Variants in LY6S observed in about 807,000 individuals in gnomAD.
LY6S encodes the protein lymphocyte antigen 6 family member S.
At chr8:143,071,617 C>A in the LY6S span, among the ~76,000 whole-genome samples, 1 of 152,098 alleles carries the variant, frequency 6.6e-6, no homozygotes, top group African/African-American at 2.4e-5. Flanking sequence ...CAAAACTGCT[C>A]AAAGAAATAG....
chr8:143,056,998 T>C, the LY6S span: 1 of 234,566 alleles, frequency 4.3e-6, no homozygotes, highest in Admixed American at 4.1e-5. Flanking sequence ...GGAAAAGTGC[T>C]TCTAAATGCA....
the LY6S span, chr8:143,065,770 TC>T: frequency 5.2e-4 from 38 of 73,458 alleles, no homozygotes; most frequent in African/African-American, 2.7e-3. Flanking sequence ...TTCTTTCTTT[TC>T]TCTTTCTTTC....
chr8:143,070,487 A>ATTTTTTTTTTTTTT, the LY6S span, among the ~76,000 whole-genome samples: 1 of 84,112 alleles, frequency 1.2e-5, no homozygotes, highest in Non-Finnish European at 2.0e-5. Flanking sequence ...ATATATATAT[A>ATTTTTTTTTTTTTT]TATTTTTTTT....
chr8:143,061,264 A>G, the LY6S span, among the ~76,000 whole-genome samples: 1 of 151,786 alleles, frequency 6.6e-6, no homozygotes, highest in African/African-American at 2.4e-5. Context: ...TGTCTCTTAA[A>G]AAAAAAAAAA....
At chr8:143,054,364 G>A in the LY6S span, 1 of 150,958 alleles carries the variant, frequency 6.6e-6, no homozygotes, top group Non-Finnish European at 1.5e-5. Flanking sequence ...CCTAAGAGGG[G>A]AACCCTATTT....
the LY6S span, among the ~76,000 whole-genome samples, chr8:143,048,364 T>C: frequency 3.3e-5 from 5 of 152,200 alleles, no homozygotes; most frequent in African/African-American, 4.8e-5. Context: ...CTTTCTGGCC[T>C]CGTTTCAGAC....
chr8:143,050,284 G>A, the LY6S span, among the ~76,000 whole-genome samples: 2 of 150,596 alleles, frequency 1.3e-5, no homozygotes, highest in African/African-American at 2.4e-5. Flanking sequence ...GGGTTAAAGC[G>A]ATTCTCCTGC....
At chr8:143,071,502 A>C in the LY6S span, among the ~76,000 whole-genome samples, 1 of 152,216 alleles carries the variant, frequency 6.6e-6, no homozygotes, top group Non-Finnish European at 1.5e-5. Flanking sequence ...ATATCGGTTT[A>C]TCCATTGTAC....
At chr8:143,074,911 G>C in the LY6S span, among the ~76,000 whole-genome samples, 1 of 152,206 alleles carries the variant, frequency 6.6e-6, no homozygotes, top group Non-Finnish European at 1.5e-5. Flanking sequence ...CCCAAGACTG[G>C]CAGTTCCTTC....
the LY6S span, among the ~76,000 whole-genome samples, chr8:143,070,457 T>G: frequency 8.8e-5 from 4 of 45,378 alleles, no homozygotes; most frequent in Non-Finnish European, 1.7e-4. Context: ...TATATATATA[T>G]ATATATAATA....
the LY6S span, among the ~76,000 whole-genome samples, chr8:143,062,427 G>A: frequency 1.3e-5 from 2 of 152,214 alleles, no homozygotes; most frequent in African/African-American, 2.4e-5. Context: ...CAGCACTCTG[G>A]GAGGCCAAGG....
chr8:143,065,820 T>TTTCTTTCTTTCTTTCTTTCTTTCC, the LY6S span: 48 of 143,092 alleles, frequency 3.4e-4, no homozygotes, highest in Non-Finnish European at 5.2e-4. Context: ...TCTTTCTTTC[T>TTTCTTTCTTTCTTTCTTTCTTTCC]TTCCTTCCTT....
chr8:143,044,450 C>G, the LY6S span, among the ~76,000 whole-genome samples: 1 of 152,024 alleles, frequency 6.6e-6, no homozygotes, highest in East Asian at 1.9e-4. Context: ...AGACCCACAA[C>G]CCTTAGGCTC....
chr8:143,072,311 C>T, the LY6S span, among the ~76,000 whole-genome samples: 4 of 140,786 alleles, frequency 2.8e-5, no homozygotes, highest in African/African-American at 8.2e-5. Context: ...CCGTCGTCCC[C>T]GGGGCTCCTG....
the LY6S span, chr8:143,044,851 C>A: frequency 7.5e-7 from 1 of 1,333,334 alleles, no homozygotes. Context: ...GGACATACAC[C>A]AATGCCCTGG....
the LY6S span, among the ~76,000 whole-genome samples, chr8:143,067,244 T>C: frequency 2.0e-5 from 3 of 152,252 alleles, no homozygotes; most frequent in Non-Finnish European, 4.4e-5. Context: ...TTTTGATCTC[T>C]ACTAAGAAAA....
the LY6S span, among the ~76,000 whole-genome samples, chr8:143,054,598 C>T: frequency 2.0e-5 from 3 of 152,152 alleles, no homozygotes; most frequent in Non-Finnish European, 2.9e-5. Context: ...AGTGTATCTA[C>T]GACTCCCTCC....
the LY6S span, among the ~76,000 whole-genome samples, chr8:143,052,971 G>A: frequency 6.6e-6 from 1 of 152,218 alleles, no homozygotes; most frequent in Non-Finnish European, 1.5e-5. Flanking sequence ...TCTAGGCCAG[G>A]TACGGCTGGC....
At chr8:143,062,832 G>A in the LY6S span, among the ~76,000 whole-genome samples, 1 of 152,158 alleles carries the variant, frequency 6.6e-6, no homozygotes, top group Non-Finnish European at 1.5e-5. Context: ...TGATGATGAT[G>A]ATGTCAAAAT....
Sources: gnomAD v4.1 joint callset for allele counts (sites outside exome capture counted in the v4.1 genomes callset) on GRCh38, gnomAD v4.1.1 for gene constraint, MANE v1.5 for transcripts, NCBI Gene and HGNC (gene_info 2026-07-23, HGNC 2026-07-21) for gene names.